The following EPHB6 variants were observed in gnomAD, a reference collection of about 807,000 sequenced individuals.
EPHB6 encodes the protein ephrin type-B receptor 6.
In EPHB6, 51 loss-of-function variants were observed where a neutral mutation model predicts 107.0. The observed-to-expected ratio is 0.48, with a 90% CI of 0.38 to 0.60. EPHB6 has a LOEUF of 0.60. Among genes scored for constraint, EPHB6 ranks in the 20% least tolerant of loss-of-function variants. The pLI is 0.00. For synonymous variants in EPHB6, 553 were observed against 549.0 expected, an observed-to-expected ratio of 1.01 and a Z score of -0.10; for missense variants, 1,141 against 1,355.5, an observed-to-expected ratio of 0.84 and a Z score of 2.48.
In EPHB6 at chr7:142,868,509, C is replaced by T. The variant is rs760604985; in HGVS notation, c.2056C>T (p.Arg686Cys). 9 of 1,613,852 alleles carry T rather than the reference C, an allele frequency of 5.6e-6. No individual in the cohort carries two copies. Among genetic ancestry groups the T allele is most frequent in the Middle Eastern group, 1.6e-4 (1 of 6,062 alleles). The part of the protein sequence containing the change: ...VIGTGSFGEV[R>C]QGRLQPRGRR... ...TTTCCCAGGCTCTTTTGGAGAAGTG[C>T]GCCAGGGCCGCCTGCAGCCACGGGG... The change falls in exon 15 of 20, where the codon CGC becomes TGC. Residue 686 changes from arginine (R) to cysteine (C), a missense_variant. By Grantham distance (180) the Arg-to-Cys change is radical (BLOSUM62 -3). Transcript: ENST00000652003. This position sits in a 1 kb window ranked among gnomAD's most constrained non-coding sequence, Gnocchi z 4.2.
chr7:142,859,594 TC>T (rs1220103329), intron 1 of EPHB6, among the ~76,000 whole-genome samples: 1 of 152,204 alleles, frequency 6.6e-6, no homozygotes, highest in Non-Finnish European at 1.5e-5. Context: ...AAGTAAGAAC[TC>T]ACCTAACTTC....
Position 142,869,078 on chromosome 7 carries a change from G to A in EPHB6, c.2391G>A (p.Leu797=). Residue 797 remains leucine, a synonymous_variant, in exon 16 of 20, where the codon CTG becomes CTA. Transcript: ENST00000652003. The surrounding 1 kb of genome is among the most constrained non-coding windows in gnomAD (Gnocchi z 4.5). ...GCTTTGCCTTCGTCCATCGCTCGCT[G>A]TCTGCCCACAGCGTGCTGGTGAATA... ...LSSFAFVHRS[L]SAHSVLVNSH... is the part of the protein sequence containing the mutation. 6.2e-7 allele frequency: 1 copy of A among 1,613,768 alleles called. No individual in the cohort carries two copies.
In EPHB6 at chr7:142,869,101, A is replaced by G. The variant is rs1449185099; in HGVS notation, c.2414A>G (p.Asn805Ser). The change falls in exon 16 of 20, where the codon AAT (asparagine) becomes AGT (serine). Residue 805 changes from asparagine (N) to serine (S), a missense_variant. Physicochemically the swap from Asn to Ser is conservative, Grantham distance 46. Transcript: ENST00000652003. The surrounding 1 kb of genome is among the most constrained non-coding windows in gnomAD (Gnocchi z 4.5). ...RSLSAHSVLV[N>S]SHLVCKVARL... ...CTGTCTGCCCACAGCGTGCTGGTGA[A>G]TAGCCACTTGGTGTGCAAGGTGGCC... The G allele has an allele frequency of 6.2e-7, 1 of 1,613,848 alleles. No individual in the cohort carries two copies. Among genetic ancestry groups the G allele is most frequent in the Non-Finnish European group, 8.5e-7 (1 of 1,179,994 alleles).
At chr7:142,863,810 C>A in intron 6 of EPHB6, 115 bp downstream of exon 6, 1 of 1,471,916 alleles carries the variant, frequency 6.8e-7, no homozygotes, top group Non-Finnish European at 9.5e-7. Context: ...AAGGATCCCT[C>A]CCTCTAGAGC....
At chr7:142,861,342 ATCCTATAGTT>A (rs8177128) in intron 2 of EPHB6, among the ~76,000 whole-genome samples, 156 bp downstream of exon 2, 19,913 of 152,162 alleles carry the variant, frequency 0.13, 3,448 homozygotes, top group African/African-American at 0.4. Context: ...AACAGTTATT[ATCCTATAGTT>A]TTAAAGAAAA....
At position 142,866,781 on chromosome 7, in the gene EPHB6, A is replaced by G. The variant is rs1794623194; in HGVS notation, c.1588-125A>G. 4.4e-6 allele frequency: 7 copies of G among 1,583,914 alleles called. No homozygotes were observed. The highest frequency in any genetic ancestry group is 4.3e-6 in the Non-Finnish European group (5 of 1,156,484). ...GCTGAATGGGCAAGGAGAGGTGCCC[A>G]GAAGTGTGCAGCACTGGGCATGTGT... On this transcript the variant is annotated intron_variant, in intron 10 of 19. Coordinates refer to ENST00000652003, the MANE Select transcript of EPHB6 (RefSeq NM_004445.6). The surrounding 1 kb of genome is among the most constrained non-coding windows in gnomAD (Gnocchi z 5.2).
intron 5 of EPHB6, 118 bp downstream of exon 5, chr7:142,863,445 A>T: frequency 1.7e-6 from 2 of 1,203,742 alleles, no homozygotes; most frequent in East Asian, 2.3e-5. Flanking sequence ...AGGGAAAGGC[A>T]TGGTGAGGAT....
chr7:142,856,892 C>T (rs998000638), intron 1 of EPHB6, among the ~76,000 whole-genome samples: 7 of 152,182 alleles, frequency 4.6e-5, no homozygotes, highest in Admixed American at 1.3e-4. Context: ...TCCCGCCCAC[C>T]TCATCTCATA....
chr7:142,858,590 C>T (rs1179844405), intron 1 of EPHB6, among the ~76,000 whole-genome samples: 3 of 145,034 alleles, frequency 2.1e-5, no homozygotes, highest in Non-Finnish European at 4.5e-5. Flanking sequence ...CACACGCCAC[C>T]ACGCCCAGCT....
Position 142,868,612 on chromosome 7 carries a change from G to A in EPHB6, c.2159G>A (p.Arg720Gln), listed in dbSNP as rs775131118. The A allele has an allele frequency of 3.0e-5, 49 of 1,613,594 alleles. No individual in the cohort carries two copies. Among genetic ancestry groups the A allele is most frequent in the South Asian group, 2.6e-4 (24 of 91,084 alleles). The stretch of plus-strand genomic sequence containing the variant: ...AGCCTGCAGATGACCTTCCTGGGCC[G>A]GGCCGCAGTGCTGGGTCAGTTCCAG... ...AESLQMTFLG[R>Q]AAVLGQFQHP... Residue 720 changes from arginine to glutamine, a missense_variant, in exon 15 of 20, where the codon CGG becomes CAG. Physicochemically the swap from Arg to Gln is conservative, Grantham distance 43. Around this residue, in one of 3 missense-constraint regions of EPHB6, gnomAD observed 616 missense variants for 759.3 expected, o/e 0.81. Coordinates refer to ENST00000652003, the MANE Select transcript of EPHB6 (RefSeq NM_004445.6). The surrounding 1 kb of genome is among the most constrained non-coding windows in gnomAD (Gnocchi z 4.2).
rs536272131 is a variant in EPHB6, at chr7:142,859,395, T to A, written c.-431-1657T>A. Among the ~76,000 whole-genome samples the A allele has an allele frequency of 3.9e-5, 6 of 152,366 alleles. 1 individual carries two copies. The South Asian group carries it at 1.2e-3, about 32-fold the overall frequency. On this transcript the variant is annotated intron_variant, in intron 1 of 19. Coordinates refer to ENST00000652003, the MANE Select transcript of EPHB6 (RefSeq NM_004445.6). ...GGCATGTGGAGCAGCCGTGTTCTTG[T>A]CACTTATGTTTCTGCCTTTGAAATT...
Position 142,869,080 on chromosome 7 carries a change from C to G in EPHB6, c.2393C>G (p.Ser798Cys), listed in dbSNP as rs1268138497. The G allele has an allele frequency of 6.2e-7, 1 of 1,613,800 alleles. No individual in the cohort carries two copies. The highest frequency in any genetic ancestry group is 1.1e-5 in the South Asian group (1 of 91,086). The change falls in exon 16 of 20, where the codon TCT becomes TGT. Residue 798 changes from serine (S) to cysteine (C), a missense_variant. Around this residue, in one of 3 missense-constraint regions of EPHB6, gnomAD observed 616 missense variants for 759.3 expected, o/e 0.81. Transcript: ENST00000652003. This position sits in a 1 kb window ranked among gnomAD's most constrained non-coding sequence, Gnocchi z 4.5. ...SSFAFVHRSLSAHSVLVNSHL... is the reference protein window; with the variant it reads ...SSFAFVHRSLCAHSVLVNSHL... Reference sequence around the variant, plus strand: ...TTTGCCTTCGTCCATCGCTCGCTGTCTGCCCACAGCGTGCTGGTGAATAGC... The same window carrying G: ...TTTGCCTTCGTCCATCGCTCGCTGTGTGCCCACAGCGTGCTGGTGAATAGC...
Position 142,870,791 on chromosome 7 carries a change from A to G in EPHB6, c.2961-5A>G. 1 of 1,613,950 alleles carries G rather than the reference A, an allele frequency of 6.2e-7. No individual in the cohort carries two copies. The highest frequency in any genetic ancestry group is 8.5e-7 in the Non-Finnish European group (1 of 1,179,942). On this transcript the variant is annotated splice_region_variant and splice_polypyrimidine_tract_variant and intron_variant, in intron 19 of 19. Transcript: ENST00000652003. ...CCCAGATTTGATCCCTTCCCTCCCC[A>G]CCAGAGACCTGCCTGCCCTGGGCAT...
At chr7:142,861,414 C>T (rs1029572217) in intron 2 of EPHB6, among the ~76,000 whole-genome samples, 1 of 152,134 alleles carries the variant, frequency 6.6e-6, no homozygotes, top group East Asian at 1.9e-4. Context: ...TTTAAGAATG[C>T]AAAAATTTAA....
In EPHB6 at chr7:142,868,134, G is replaced by A. The variant is rs988669335; in HGVS notation, c.1918+85G>A. On this transcript the variant is annotated intron_variant, in intron 13 of 19. Transcript: ENST00000652003. The surrounding 1 kb of genome is among the most constrained non-coding windows in gnomAD (Gnocchi z 4.2). ...GGCAAGGCTGGATCCCCCCAAGATT[G>A]GGGGAGCTCCTTGGCACAACCTTCT... The A allele has an allele frequency of 2.5e-6, 4 of 1,613,554 alleles. No homozygotes were observed. In the African/African-American group the frequency reaches 5.3e-5, roughly 22 times the overall value.
chr7:142,868,919 G>C lies in EPHB6; in HGVS notation c.2287-55G>C. On this transcript the variant is annotated intron_variant, in intron 15 of 19. Coordinates refer to ENST00000652003, the MANE Select transcript of EPHB6 (RefSeq NM_004445.6). The surrounding 1 kb of genome is among the most constrained non-coding windows in gnomAD (Gnocchi z 4.2). Reference sequence around the variant, plus strand: ...GCTGTTGTCTGCTATGCAGTATGTTGAGGTCTCCCCCTGTCTCCGATCACT... The same window carrying C: ...GCTGTTGTCTGCTATGCAGTATGTTCAGGTCTCCCCCTGTCTCCGATCACT... 1 of 1,500,972 alleles carries C rather than the reference G, an allele frequency of 6.7e-7. No homozygotes were observed. The highest frequency in any genetic ancestry group is 8.9e-7 in the Non-Finnish European group (1 of 1,121,092). The allele number at this position is 1,500,972 out of a possible 1,614,324, so 93.0% of individuals were successfully genotyped here. A position where few individuals can be genotyped will look rare whatever the true frequency, so the allele number is the denominator to read the frequency against.
chr7:142,856,115 A>G (rs1237294748), intron 1 of EPHB6, among the ~76,000 whole-genome samples: 3 of 152,196 alleles, frequency 2.0e-5, no homozygotes, highest in African/African-American at 4.8e-5. Flanking sequence ...GGCAGCGCCC[A>G]TGGAGCGGAG....
In EPHB6 at chr7:142,866,685, G is replaced by A. The variant is rs1400858694; in HGVS notation, c.1587+80G>A. 5.0e-6 allele frequency: 8 copies of A among 1,610,098 alleles called. No individual in the cohort carries two copies. The highest frequency in any genetic ancestry group is 6.8e-6 in the Non-Finnish European group (8 of 1,178,918). ...CACAGTGGGGCCCAGAGGTGACCAG[G>A]TGCACAGGAGGAATGAGGGGTCCGC... On this transcript the variant is annotated intron_variant, in intron 10 of 19. Coordinates refer to ENST00000652003, the MANE Select transcript of EPHB6 (RefSeq NM_004445.6). This position sits in a 1 kb window ranked among gnomAD's most constrained non-coding sequence, Gnocchi z 5.2.
At chr7:142,861,487 C>T (rs1468161480) in intron 2 of EPHB6, among the ~76,000 whole-genome samples, 1 of 152,214 alleles carries the variant, frequency 6.6e-6, no homozygotes, top group African/African-American at 2.4e-5. Flanking sequence ...TCTCAGTCCA[C>T]TTCCTTTGCC....
Sources: gnomAD v4.1 joint callset for allele counts (sites outside exome capture counted in the v4.1 genomes callset) on GRCh38, gnomAD v4.1.1 for gene constraint, gnomAD v4.1.1 regional missense constraint, Gnocchi (gnomAD v3.1) non-coding constraint, MANE v1.5 for transcripts, NCBI Gene and HGNC (gene_info 2026-07-23, HGNC 2026-07-21) for gene names.